The following ABHD3 variants were observed in gnomAD, a reference collection of about 807,000 sequenced individuals.
ABHD3 encodes phospholipase ABHD3.
A neutral mutation model predicts 48.8 loss-of-function variants in ABHD3; 46 were observed. The ratio of observed to expected loss-of-function variants is 0.94; its 90% CI spans 0.74 to 1.20. The LOEUF (loss-of-function observed/expected upper bound fraction) is 1.20. ABHD3 is among the 50% of genes most tolerant of loss of function. ABHD3 has a pLI of 0.00. For missense variants in ABHD3, 490 were observed against 497.8 expected (o/e 0.98, Z 0.15); for synonymous variants, 192 against 183.7 (o/e 1.04, Z -0.36).
chr18:21,687,257 G>GT (rs934107018), intron 3 of ABHD3, among the ~76,000 whole-genome samples: 5 of 151,448 alleles, frequency 3.3e-5, no homozygotes, highest in African/African-American at 1.2e-4. Flanking sequence ...TGCCCCTGCT[G>GT]GAGTGCAGTG....
intron 4 of ABHD3, among the ~76,000 whole-genome samples, chr18:21,676,498 C>A (rs1287429316): frequency 2.6e-5 from 4 of 152,194 alleles, no homozygotes; most frequent in Admixed American, 2.6e-4. Context: ...TCAAGTGATT[C>A]TCCTGTCTCA....
chr18:21,678,905 G>A (rs927606741), intron 4 of ABHD3, among the ~76,000 whole-genome samples: 2 of 152,132 alleles, frequency 1.3e-5, no homozygotes, highest in African/African-American at 4.8e-5. Flanking sequence ...TAACTAATTG[G>A]AAATGAGGAC....
At chr18:21,653,822 G>A (rs1394524536) in intron 8 of ABHD3, among the ~76,000 whole-genome samples, 2 of 150,614 alleles carry the variant, frequency 1.3e-5, no homozygotes, top group Non-Finnish European at 2.9e-5. Context: ...CTTGAGCCCA[G>A]GAGTTTAAGG....
chr18:21,656,749 T>G (rs982471745), intron 8 of ABHD3, 112 bp downstream of exon 8: 13 of 1,098,444 alleles, frequency 1.2e-5, no homozygotes, highest in South Asian at 1.8e-5. Flanking sequence ...GAGTATCTAG[T>G]TTTTTTATCA....
chr18:21,704,403 C>A, intron 1 of ABHD3, 101 bp downstream of exon 1: 2 of 1,186,294 alleles, frequency 1.7e-6, no homozygotes, highest in Non-Finnish European at 2.1e-6. Context: ...GCCGCCTATC[C>A]CCGGGGCTGC....
chr18:21,696,310 G>GT (rs1294006162), intron 3 of ABHD3, among the ~76,000 whole-genome samples: 2 of 151,814 alleles, frequency 1.3e-5, no homozygotes, highest in Non-Finnish European at 2.9e-5. Context: ...CGCCCGGCTA[G>GT]TTTTTTTAAA....
At position 21,651,802 on chromosome 18, in the gene ABHD3, G is replaced by A. The variant is rs200061270; in HGVS notation, c.1058-39C>T. On this transcript the variant is annotated intron_variant, in intron 8 of 8. Coordinates refer to ENST00000289119, the MANE Select transcript of ABHD3 (RefSeq NM_138340.5). ...AAAACATGGCAATAAGAGAGAAGAA[G>A]GAGAGAGAAAAATATAATCATTATG... 3.3e-4 allele frequency: 484 copies of A among 1,456,570 alleles called. 1 individual carries two copies. Among genetic ancestry groups the A allele is most frequent in the Middle Eastern group, 2.3e-3 (12 of 5,258 alleles). 90.2% of individuals were successfully genotyped at this position (1,456,570 alleles called of 1,614,324 possible).
At chr18:21,652,971 T>C (rs1296514104) in intron 8 of ABHD3, among the ~76,000 whole-genome samples, 1 of 138,378 alleles carries the variant, frequency 7.2e-6, no homozygotes, top group Non-Finnish European at 1.5e-5. Context: ...GAGCATTGCT[T>C]GAACCCGGGA....
At chr18:21,665,891 C>G (rs2039613296) in intron 4 of ABHD3, among the ~76,000 whole-genome samples, 1 of 151,858 alleles carries the variant, frequency 6.6e-6, no homozygotes, top group Admixed American at 6.6e-5. Context: ...TCATTTCTAA[C>G]TGGGGAACTG....
At chr18:21,682,579 T>C (rs1348985979) in intron 4 of ABHD3, 2 of 152,238 alleles carry the variant, frequency 1.3e-5, no homozygotes, top group Admixed American at 6.5e-5. Flanking sequence ...GTCTCATTAA[T>C]ATGTATATCT....
At chr18:21,694,889 A>G (rs2040333965) in intron 3 of ABHD3, among the ~76,000 whole-genome samples, 1 of 151,996 alleles carries the variant, frequency 6.6e-6, no homozygotes. Context: ...GGCTCTTCTG[A>G]TATTTCTGAA....
chr18:21,674,334 T>C (rs1049726339), intron 4 of ABHD3, among the ~76,000 whole-genome samples: 53 of 151,882 alleles, frequency 3.5e-4, no homozygotes, highest in Admixed American at 3.4e-3. Flanking sequence ...CTCAACCTCC[T>C]GGGCTCAAGC....
intron 1 of ABHD3, among the ~76,000 whole-genome samples, chr18:21,704,125 G>A (rs970686003): frequency 3.3e-5 from 5 of 152,210 alleles, no homozygotes; most frequent in South Asian, 4.1e-4. Flanking sequence ...GACCTCAGGT[G>A]ATCCACCCGC....
intron 3 of ABHD3, among the ~76,000 whole-genome samples, chr18:21,700,757 A>G (rs1016475594): frequency 1.3e-5 from 2 of 150,796 alleles, no homozygotes; most frequent in African/African-American, 4.9e-5. Flanking sequence ...CAAATCTAGA[A>G]GCAGTAATTT....
At chr18:21,679,558 T>A (rs548601091) in intron 4 of ABHD3, among the ~76,000 whole-genome samples, 1 of 152,372 alleles carries the variant, frequency 6.6e-6, no homozygotes, top group African/African-American at 2.4e-5. Flanking sequence ...AGACGGAGTC[T>A]CGCTCTGTCG....
chr18:21,697,897 TTCTC>T (rs763386109), intron 3 of ABHD3, among the ~76,000 whole-genome samples: 7 of 152,078 alleles, frequency 4.6e-5, no homozygotes, highest in Non-Finnish European at 8.8e-5. Context: ...GGGAGTTAGG[TTCTC>T]TCTAATGTCT....
At chr18:21,693,556 C>T (rs528586290) in intron 3 of ABHD3, among the ~76,000 whole-genome samples, 33 of 152,304 alleles carry the variant, frequency 2.2e-4, no homozygotes, top group African/African-American at 7.9e-4. Context: ...AGAGCTTTGT[C>T]CCTGAAGGTT....
chr18:21,660,729 A>G (rs1277787303), intron 5 of ABHD3, among the ~76,000 whole-genome samples: 1 of 152,156 alleles, frequency 6.6e-6, no homozygotes, highest in Admixed American at 6.6e-5. Context: ...TGGAAAGTGG[A>G]CATTTAGCTT....
At chr18:21,702,617 G>T in intron 2 of ABHD3, 119 bp from the exon 3 acceptor site, 2 of 827,640 alleles carry the variant, frequency 2.4e-6, no homozygotes, top group Non-Finnish European at 3.6e-6. Context: ...CAGCATTCAC[G>T]AACACACACC....
Sources: allele counts gnomAD v4.1 joint callset (sites outside exome capture counted in the v4.1 genomes callset), GRCh38; gene constraint gnomAD v4.1.1; transcripts MANE v1.5; gene names NCBI Gene and HGNC (gene_info 2026-07-23, HGNC 2026-07-21).